The following NCAM2 variants were observed in gnomAD, a reference collection of about 807,000 sequenced individuals.
NCAM2 encodes N-CAM-2.
Under a neutral mutation model 98.1 loss-of-function variants are expected in NCAM2, and 30 were observed. The ratio of observed to expected loss-of-function variants is 0.31; its 90% CI spans 0.23 to 0.41. The LOEUF (loss-of-function observed/expected upper bound fraction) is 0.41. Among genes scored for constraint, NCAM2 ranks in the 10% least tolerant of loss-of-function variants. The pLI is 1.00. For missense variants in NCAM2, 867 were observed against 1,005.8 expected (o/e 0.86, Z 1.87); for synonymous variants, 368 against 342.4 (o/e 1.07, Z -0.83).
At chr21:21,226,057 CAG>C (rs1168021630) in intron 1 of NCAM2, among the ~76,000 whole-genome samples, 1 of 151,908 alleles carries the variant, frequency 6.6e-6, no homozygotes, top group Non-Finnish European at 1.5e-5. Flanking sequence ...AACGCAGAAA[CAG>C]AAAACCAAAT....
At chr21:21,345,030 C>T (rs1380922797) in intron 8 of NCAM2, among the ~76,000 whole-genome samples, 1 of 152,116 alleles carries the variant, frequency 6.6e-6, no homozygotes, top group African/African-American at 2.4e-5. Flanking sequence ...ACTATCAAGG[C>T]ATTACCTCTA....
At chr21:21,275,616 C>A (rs2072699847) in intron 1 of NCAM2, among the ~76,000 whole-genome samples, 1 of 151,964 alleles carries the variant, frequency 6.6e-6, no homozygotes, top group South Asian at 2.1e-4. Flanking sequence ...TATCAATAAC[C>A]CTTGTGTCAA....
intron 1 of NCAM2, among the ~76,000 whole-genome samples, chr21:21,040,471 G>A (rs531076399): frequency 8.3e-4 from 126 of 152,046 alleles, no homozygotes; most frequent in Admixed American, 1.6e-3. Flanking sequence ...TAAACCAATG[G>A]AAACGTCCAC....
At chr21:20,999,900 A>G (rs1346108309) in intron 1 of NCAM2, among the ~76,000 whole-genome samples, 2 of 152,150 alleles carry the variant, frequency 1.3e-5, no homozygotes, top group South Asian at 2.1e-4. Flanking sequence ...CCCCACAGCT[A>G]TAGTGTTAGT....
intron 14 of NCAM2, among the ~76,000 whole-genome samples, chr21:21,469,888 G>A (rs1984210907): frequency 6.6e-6 from 1 of 151,954 alleles, no homozygotes; most frequent in Admixed American, 6.6e-5. Flanking sequence ...TTGCACATTT[G>A]TAAACACGGT....
rs188568012 is a variant in NCAM2 at position 21,481,392 on chromosome 21, G to A, written c.2077+3921G>A. On this transcript the variant is annotated intron_variant, in intron 15 of 17. Coordinates refer to ENST00000400546, the MANE Select transcript of NCAM2 (RefSeq NM_004540.5). ...GGGTCATATTTCAAGAAGAATAGATGTAAAGTGTCAAATGCTGCTGAAAGG... is the reference window on the plus strand; with the variant it reads ...GGGTCATATTTCAAGAAGAATAGATATAAAGTGTCAAATGCTGCTGAAAGG... Among the ~76,000 whole-genome samples the A allele has an allele frequency of 4.4e-4, 67 of 152,320 alleles. No individual in the cohort carries two copies. In the East Asian group the frequency reaches 6.9e-3, roughly 16 times the overall value.
chr21:21,339,145 G>T (rs921389901), intron 8 of NCAM2, among the ~76,000 whole-genome samples: 4 of 152,054 alleles, frequency 2.6e-5, no homozygotes, highest in African/African-American at 9.7e-5. Context: ...GCCTGTTTTG[G>T]TAAATAAAGC....
chr21:21,471,333 A>G (rs373188641), intron 14 of NCAM2, among the ~76,000 whole-genome samples: 42 of 152,090 alleles, frequency 2.8e-4, no homozygotes, highest in Non-Finnish European at 5.4e-4. Context: ...ATCCAATTGG[A>G]GATACCATGA....
intron 11 of NCAM2, among the ~76,000 whole-genome samples, chr21:21,422,637 G>T (rs1360384045): frequency 2.0e-5 from 3 of 152,016 alleles, no homozygotes; most frequent in East Asian, 3.9e-4. Flanking sequence ...TTTCTATGTT[G>T]TTACAGAAAT....
intron 1 of NCAM2, among the ~76,000 whole-genome samples, chr21:21,272,228 T>C (rs555699260): frequency 6.6e-6 from 1 of 152,292 alleles, no homozygotes; most frequent in African/African-American, 2.4e-5. Flanking sequence ...TTTTAATGTG[T>C]GCTGCAATCA....
chr21:21,536,992 A>T (rs1018837006), intron 17 of NCAM2, among the ~76,000 whole-genome samples: 1 of 152,182 alleles, frequency 6.6e-6, no homozygotes, highest in East Asian at 1.9e-4. Flanking sequence ...AACATATACA[A>T]TAAATATTAA....
chr21:21,433,796 A>AAAAAAAAT (rs1569059399), intron 12 of NCAM2, among the ~76,000 whole-genome samples: 1 of 145,114 alleles, frequency 6.9e-6, no homozygotes, highest in African/African-American at 2.6e-5. Context: ...AAAATAAAAT[A>AAAAAAAAT]AAAATAAAAG....
At chr21:21,498,744 C>T (rs887897257) in intron 15 of NCAM2, among the ~76,000 whole-genome samples, 1 of 152,082 alleles carries the variant, frequency 6.6e-6, no homozygotes, top group African/African-American at 2.4e-5. Context: ...TTTTGATTCA[C>T]TTTGTAACAA....
chr21:21,106,800 A>G (rs557685044), intron 1 of NCAM2, among the ~76,000 whole-genome samples: 12 of 152,210 alleles, frequency 7.9e-5, no homozygotes, highest in Non-Finnish European at 1.3e-4. Context: ...ATCAGTTTCT[A>G]TGGTTTTCAA....
chr21:21,130,798 T>G (rs1409999174), intron 1 of NCAM2, among the ~76,000 whole-genome samples: 2 of 152,124 alleles, frequency 1.3e-5, no homozygotes. Flanking sequence ...GAAAATATGT[T>G]TCTGGGTGAA....
chr21:21,301,362 T>C (rs2073704246), intron 5 of NCAM2, among the ~76,000 whole-genome samples: 1 of 122,892 alleles, frequency 8.1e-6, no homozygotes, highest in Admixed American at 9.3e-5. Context: ...ATTTTTATAG[T>C]TTGGGGTCTT....
At chr21:21,188,460 A>G (rs1355403438) in intron 1 of NCAM2, among the ~76,000 whole-genome samples, 2 of 152,144 alleles carry the variant, frequency 1.3e-5, no homozygotes, top group Admixed American at 1.3e-4. Context: ...TAAAAGACTA[A>G]AATTTTTCTA....
chr21:21,525,653 C>A (rs766329888), intron 16 of NCAM2, among the ~76,000 whole-genome samples: 31 of 152,052 alleles, frequency 2.0e-4, no homozygotes, highest in Admixed American at 3.9e-4. Flanking sequence ...AGAATACTTT[C>A]TCATTCTATG....
At chr21:21,172,376 A>G (rs1413028172) in intron 1 of NCAM2, among the ~76,000 whole-genome samples, 1 of 152,100 alleles carries the variant, frequency 6.6e-6, no homozygotes, top group Non-Finnish European at 1.5e-5. Flanking sequence ...TTGACCTAAC[A>G]TGTTTGAATC....
Sources: allele counts gnomAD v4.1 joint callset (sites outside exome capture counted in the v4.1 genomes callset), GRCh38; gene constraint gnomAD v4.1.1; transcripts MANE v1.5; gene names NCBI Gene and HGNC (gene_info 2026-07-23, HGNC 2026-07-21).